Variants in ATP13A4 observed in about 807,000 individuals in gnomAD.
The protein encoded by ATP13A4 is probable cation-transporting ATPase 13A4.
ATP13A4 carries 114 observed loss-of-function variants against 142.5 expected under a neutral mutation model. That is an observed-to-expected ratio of 0.80 (90% confidence interval 0.69 to 0.93). The LOEUF (loss-of-function observed/expected upper bound fraction) is 0.93. Among genes scored for constraint, ATP13A4 ranks in the 40% least tolerant of loss-of-function variants. The pLI, the probability that ATP13A4 is intolerant of heterozygous loss-of-function variation, is 0.00. For missense variants in ATP13A4, 1,392 were observed against 1,454.0 expected (o/e 0.96, Z 0.69); for synonymous variants, 488 against 514.8 (o/e 0.95, Z 0.70).
intron 1 of ATP13A4, 49 bp downstream of exon 1, chr3:193,554,691 G>T (rs200629696): frequency 4.9e-4 from 695 of 1,407,822 alleles, no homozygotes; most frequent in Non-Finnish European, 6.3e-4. Context: ...TGTGTGTCTC[G>T]CAGGCTGAGA....
At chr3:193,534,568 A>G (rs1383397843) in intron 1 of ATP13A4, among the ~76,000 whole-genome samples, 2 of 152,216 alleles carry the variant, frequency 1.3e-5, no homozygotes, top group Non-Finnish European at 2.9e-5. Context: ...TAAATAATAC[A>G]CTACCTGAAA....
intron 8 of ATP13A4, among the ~76,000 whole-genome samples, chr3:193,481,822 T>C (rs1485046620): frequency 2.0e-5 from 3 of 152,162 alleles, no homozygotes; most frequent in Non-Finnish European, 4.4e-5. Flanking sequence ...CATTTCATAT[T>C]AGTACTGAAT....
At chr3:193,575,296 C>T (rs1384589650) in intron 2 of ATP13A4, among the ~76,000 whole-genome samples, 3 of 152,160 alleles carry the variant, frequency 2.0e-5, no homozygotes, top group Non-Finnish European at 4.4e-5. Context: ...CTTTAACTAT[C>T]ATCATAGAAG....
At chr3:193,451,165 A>C (rs1419675041) in intron 17 of ATP13A4, among the ~76,000 whole-genome samples, 2 of 152,094 alleles carry the variant, frequency 1.3e-5, no homozygotes, top group East Asian at 3.9e-4. Context: ...ATTGAAGTGC[A>C]TGGGGGTTTG....
chr3:193,553,799 G>C (rs1374076835), intron 1 of ATP13A4: 1 of 152,190 alleles, frequency 6.6e-6, no homozygotes, highest in Admixed American at 6.5e-5. Flanking sequence ...GACCAGTTTA[G>C]GAACAAAGAA....
chr3:193,430,144 G>A (rs1379340034), intron 25 of ATP13A4, among the ~76,000 whole-genome samples: 4 of 151,976 alleles, frequency 2.6e-5, no homozygotes, highest in East Asian at 1.9e-4. Flanking sequence ...TTTTCTATTC[G>A]AAATAAATTT....
intron 1 of ATP13A4, among the ~76,000 whole-genome samples, chr3:193,590,154 C>T (rs1222018108): frequency 1.3e-5 from 2 of 152,146 alleles, no homozygotes; most frequent in East Asian, 1.9e-4. Context: ...CCAGCCTATG[C>T]AGGAGAACTG....
At chr3:193,463,508 C>G (rs1718082156) in intron 12 of ATP13A4, among the ~76,000 whole-genome samples, 1 of 150,974 alleles carries the variant, frequency 6.6e-6, no homozygotes, top group Non-Finnish European at 1.5e-5. Context: ...GGTTTAAACA[C>G]CAGTTGTGTG....
rs1724748930 is a variant in ATP13A4, at chr3:193,590,763, C to CA, written n.91+2257dup. The stretch of plus-strand genomic sequence containing the variant: ...CAGGTTCCTCTTGTCATAATTTTGC[C>CA]AAGGCAGTTTCAATATAAGTAGTGG... On this transcript the variant is annotated intron_variant and non_coding_transcript_variant, in intron 1 of 3. Coordinates refer to the ATP13A4 transcript ENST00000489140. Among the ~76,000 whole-genome samples, 3 of 152,288 alleles carry CA rather than the reference C, an allele frequency of 2.0e-5. No individual in the cohort carries two copies. The South Asian group carries it at 6.2e-4, about 32-fold the overall frequency.
chr3:193,438,343 A>T (rs1716422472), intron 23 of ATP13A4, 132 bp downstream of exon 23: 1 of 741,818 alleles, frequency 1.3e-6, no homozygotes, highest in Non-Finnish European at 2.4e-6. Flanking sequence ...AGAATGCTTG[A>T]CTGCATTCTT....
intron 1 of ATP13A4, among the ~76,000 whole-genome samples, chr3:193,584,078 G>A (rs926038807): frequency 2.0e-5 from 3 of 152,184 alleles, no homozygotes; most frequent in African/African-American, 7.2e-5. Flanking sequence ...GTAGTACACA[G>A]AATAACGCTT....
At chr3:193,538,448 A>G (rs1722700598) in intron 1 of ATP13A4, among the ~76,000 whole-genome samples, 1 of 151,694 alleles carries the variant, frequency 6.6e-6, no homozygotes, top group Admixed American at 6.6e-5. Context: ...GAGGGCAGGC[A>G]AGGGAAAGCT....
rs771798880 is a variant in ATP13A4 at position 193,441,489 on chromosome 3, G to T, written c.2416C>A (p.His806Asn). The change falls in exon 20 of 30, where the codon CAT becomes AAT. Residue 806 changes from histidine to asparagine, a missense_variant. Physicochemically the swap from His to Asn is moderately conservative, Grantham distance 68. Transcript: ENST00000342695. ...TGKSFHVISQHFSSLLPKILI... is the reference protein window; with the variant it reads ...TGKSFHVISQNFSSLLPKILI... ...ACCTTTGGCAGTAGGCTGCTGAAAT[G>T]TTGACTTATAACATGAAAGGATTTT... 7 of 1,613,740 alleles carry T rather than the reference G, an allele frequency of 4.3e-6. No homozygotes were observed. The highest frequency in any genetic ancestry group is 5.1e-6 in the Non-Finnish European group (6 of 1,179,806).
chr3:193,440,737 G>T (rs747642829), intron 20 of ATP13A4, 100 bp from the exon 21 acceptor site: 3 of 1,272,872 alleles, frequency 2.4e-6, no homozygotes, highest in African/African-American at 3.0e-5. Flanking sequence ...TGACACTTAC[G>T]ATGAAGAAAA....
intron 1 of ATP13A4, among the ~76,000 whole-genome samples, chr3:193,527,447 A>G (rs931724074): frequency 1.3e-5 from 2 of 152,040 alleles, no homozygotes; most frequent in African/African-American, 4.8e-5. Context: ...CCCCGTCTCT[A>G]CTAAAAATAC....
intron 1 of ATP13A4, among the ~76,000 whole-genome samples, chr3:193,542,367 G>T (rs192035879): frequency 6.6e-6 from 1 of 152,008 alleles, no homozygotes; most frequent in Non-Finnish European, 1.5e-5. Flanking sequence ...TGAATAGGAA[G>T]AATCAATATC....
At chr3:193,451,233 T>G (rs1399459593) in intron 17 of ATP13A4, among the ~76,000 whole-genome samples, 1 of 152,170 alleles carries the variant, frequency 6.6e-6, no homozygotes, top group African/African-American at 2.4e-5. Flanking sequence ...CAGGCCTTGG[T>G]TATTTCTGCA....
intron 2 of ATP13A4, among the ~76,000 whole-genome samples, chr3:193,570,876 A>G (rs554287121): frequency 6.6e-6 from 1 of 152,376 alleles, no homozygotes; most frequent in Non-Finnish European, 1.5e-5. Flanking sequence ...GATGACATAT[A>G]TACAATGCTT....
At chr3:193,414,954 T>A (rs954045026) in intron 25 of ATP13A4, among the ~76,000 whole-genome samples, 2 of 152,134 alleles carry the variant, frequency 1.3e-5, no homozygotes, top group Non-Finnish European at 2.9e-5. Flanking sequence ...CCACAAGATG[T>A]CACTTTTGGC....
Sources: gnomAD v4.1 joint callset for allele counts (sites outside exome capture counted in the v4.1 genomes callset) on GRCh38, gnomAD v4.1.1 for gene constraint, MANE v1.5 for transcripts, NCBI Gene and HGNC (gene_info 2026-07-23, HGNC 2026-07-21) for gene names.